Variants in FGF12 observed in about 807,000 individuals in gnomAD.
The protein encoded by FGF12 is fibroblast growth factor 12.
FGF12 carries 14 observed loss-of-function variants against 23.6 expected under a neutral mutation model. The ratio of observed to expected loss-of-function variants is 0.59; its 90% CI spans 0.39 to 0.93. The LOEUF is 0.93. Among genes scored for constraint, FGF12 ranks in the 40% least tolerant of loss-of-function variants. The probability of loss-of-function intolerance (pLI) is 0.00; values close to 1 mark genes in which losing one functional copy is unlikely to be tolerated. For missense variants in FGF12, 175 were observed against 217.8 expected, an observed-to-expected ratio of 0.80 and a Z score of 1.24; for synonymous variants, 62 against 77.3, an observed-to-expected ratio of 0.80 and a Z score of 1.04.
At chr3:192,460,311 C>G (rs1209652483) in intron 2 of FGF12, among the ~76,000 whole-genome samples, 3 of 152,196 alleles carry the variant, frequency 2.0e-5, no homozygotes, top group Non-Finnish European at 4.4e-5. Flanking sequence ...TATTCCTACT[C>G]ATGCTTAAGT....
intron 2 of FGF12, among the ~76,000 whole-genome samples, chr3:192,366,002 CA>C (rs1560087205): frequency 6.9e-6 from 1 of 144,286 alleles, no homozygotes; most frequent in Non-Finnish European, 1.5e-5. Flanking sequence ...AAAACAACAA[CA>C]AAAAACAAAA....
At chr3:192,319,481 C>T (rs1716415103) in intron 4 of FGF12, among the ~76,000 whole-genome samples, 1 of 151,970 alleles carries the variant, frequency 6.6e-6, no homozygotes, top group South Asian at 2.1e-4. Context: ...CCTGTAATCC[C>T]AGCTACTCAG....
chr3:192,414,767 C>A (rs1721293326), intron 2 of FGF12, among the ~76,000 whole-genome samples: 1 of 152,120 alleles, frequency 6.6e-6, no homozygotes, highest in Non-Finnish European at 1.5e-5. Flanking sequence ...AATGAGAATG[C>A]CAAATGTACT....
At chr3:192,243,377 G>T (rs1411618859) in intron 4 of FGF12, among the ~76,000 whole-genome samples, 3 of 151,826 alleles carry the variant, frequency 2.0e-5, no homozygotes, top group Admixed American at 2.0e-4. Flanking sequence ...GTGTGTTATT[G>T]GCACATGAAT....
intron 4 of FGF12, among the ~76,000 whole-genome samples, chr3:192,320,678 T>C (rs1456056568): frequency 1.3e-5 from 2 of 151,990 alleles, no homozygotes; most frequent in Non-Finnish European, 2.9e-5. Flanking sequence ...TCTACAAACA[T>C]ATGAAAACTA....
At chr3:192,601,889 T>C (rs911797939) in intron 2 of FGF12, among the ~76,000 whole-genome samples, 1 of 152,204 alleles carries the variant, frequency 6.6e-6, no homozygotes, top group African/African-American at 2.4e-5. Context: ...AAGAAGTCTG[T>C]ACATATTCAG....
chr3:192,619,365 G>T (rs1714884012), intron 2 of FGF12, among the ~76,000 whole-genome samples: 1 of 152,152 alleles, frequency 6.6e-6, no homozygotes. Context: ...GAAAAGTGTG[G>T]GCAGGAACTG....
intron 2 of FGF12, among the ~76,000 whole-genome samples, chr3:192,635,112 G>A (rs1445732855): frequency 1.3e-5 from 2 of 152,042 alleles, no homozygotes; most frequent in Middle Eastern, 3.2e-3. Flanking sequence ...CACCCACCTC[G>A]GCCTCCCAAA....
At chr3:192,277,572 C>T (rs1439934397) in intron 4 of FGF12, among the ~76,000 whole-genome samples, 1 of 152,194 alleles carries the variant, frequency 6.6e-6, no homozygotes, top group Non-Finnish European at 1.5e-5. Context: ...CTATTTTTAA[C>T]TGGGTAACTA....
chr3:192,381,657 A>G (rs1421112609), intron 2 of FGF12, among the ~76,000 whole-genome samples: 1 of 152,234 alleles, frequency 6.6e-6, no homozygotes, highest in Non-Finnish European at 1.5e-5. Flanking sequence ...ATGAGTGTAA[A>G]GAAAAAGAAG....
intron 2 of FGF12, among the ~76,000 whole-genome samples, chr3:192,462,641 G>T (rs1166651252): frequency 2.6e-5 from 4 of 152,066 alleles, no homozygotes; most frequent in African/African-American, 9.7e-5. Context: ...AGAGTTATTG[G>T]CAAGTTAAGA....
At chr3:192,614,035 C>T (rs1714654988) in intron 2 of FGF12, among the ~76,000 whole-genome samples, 1 of 151,858 alleles carries the variant, frequency 6.6e-6, no homozygotes, top group African/African-American at 2.4e-5. Context: ...CTTGTCCTTC[C>T]CCATTGCTTC....
intron 3 of FGF12, among the ~76,000 whole-genome samples, chr3:192,339,214 TA>T (rs1198816921): frequency 6.6e-6 from 1 of 152,210 alleles, no homozygotes; most frequent in Admixed American, 6.5e-5. Flanking sequence ...ATCTGCCTCC[TA>T]AAAGTCCCAA....
chr3:192,530,703 G>A (rs1031103965), intron 2 of FGF12, among the ~76,000 whole-genome samples: 1 of 152,182 alleles, frequency 6.6e-6, no homozygotes, highest in African/African-American at 2.4e-5. Flanking sequence ...TTTTTCTGAG[G>A]TGATGAAAGT....
At chr3:192,370,186 AG>A (rs1178529066) in intron 2 of FGF12, among the ~76,000 whole-genome samples, 1 of 152,158 alleles carries the variant, frequency 6.6e-6, no homozygotes, top group African/African-American at 2.4e-5. Flanking sequence ...GCTAATAACA[AG>A]TTTTACTTTA....
chr3:192,285,845 T>C (rs1714416996), intron 4 of FGF12, among the ~76,000 whole-genome samples: 1 of 152,062 alleles, frequency 6.6e-6, no homozygotes, highest in Admixed American at 6.6e-5. Context: ...TAACCAAAGA[T>C]AATTGAGTGA....
In FGF12 at chr3:192,646,133, T is replaced by C. The variant is rs116044052; in HGVS notation, c.13+81048A>G. ...GTCAGTGTGGTTGGGACATCTCACATGTACCCAGGATGAGAGGTAGAAAGG... is the reference window on the plus strand; with the variant it reads ...GTCAGTGTGGTTGGGACATCTCACACGTACCCAGGATGAGAGGTAGAAAGG... On this transcript the variant is annotated intron_variant, in intron 2 of 5. Transcript: ENST00000445105. 2.2e-3 allele frequency among the ~76,000 whole-genome samples: 328 copies of C among 152,270 alleles called. 2 individuals are homozygous for C. The highest frequency in any genetic ancestry group is 7.7e-3 in the African/African-American group (322 of 41,564).
intron 4 of FGF12, among the ~76,000 whole-genome samples, chr3:192,296,091 A>T (rs1577328728): frequency 1.1e-5 from 1 of 92,436 alleles, no homozygotes. Context: ...TTTTTTGTGG[A>T]GACAGGGTTT....
intron 2 of FGF12, among the ~76,000 whole-genome samples, chr3:192,401,177 A>G (rs899962813): frequency 6.6e-6 from 1 of 152,236 alleles, no homozygotes; most frequent in Non-Finnish European, 1.5e-5. Context: ...TAATGAAAAG[A>G]CTGGTTTGTA....
Sources: allele counts gnomAD v4.1 joint callset (sites outside exome capture counted in the v4.1 genomes callset), GRCh38; gene constraint gnomAD v4.1.1; transcripts MANE v1.5; gene names NCBI Gene and HGNC (gene_info 2026-07-23, HGNC 2026-07-21).